The following NLGN1 variants were observed in gnomAD, a reference collection of about 807,000 sequenced individuals.
The protein encoded by NLGN1 is neuroligin 1, also known as neuroligin-1.
In NLGN1, 12 loss-of-function variants were observed where a neutral mutation model predicts 65.5. The observed-to-expected ratio is 0.18, with a 90% CI of 0.12 to 0.30. The LOEUF is 0.30. Among genes scored for constraint, NLGN1 ranks in the 10% least tolerant of loss-of-function variants. The pLI is 1.00. For synonymous variants in NLGN1, 350 were observed against 359.5 expected, an observed-to-expected ratio of 0.97 and a Z score of 0.30; for missense variants, 750 against 1,007.1, an observed-to-expected ratio of 0.74 and a Z score of 3.46.
intron 2 of NLGN1, among the ~76,000 whole-genome samples, chr3:173,446,513 C>A (rs1057279608): frequency 6.6e-6 from 1 of 152,156 alleles, no homozygotes; most frequent in Admixed American, 6.5e-5. Flanking sequence ...GTGAATAGTG[C>A]CGCAATAAAC....
At chr3:173,708,243 C>G (rs1372226209) in intron 3 of NLGN1, among the ~76,000 whole-genome samples, 1 of 152,128 alleles carries the variant, frequency 6.6e-6, no homozygotes, top group Non-Finnish European at 1.5e-5. Context: ...TATAATGACC[C>G]AGAAGCCCAG....
At chr3:173,410,873 A>G (rs1577326238) in intron 1 of NLGN1, among the ~76,000 whole-genome samples, 1 of 152,206 alleles carries the variant, frequency 6.6e-6, no homozygotes, top group East Asian at 1.9e-4. Context: ...ATTCTGTACC[A>G]AAAAATTGCA....
chr3:174,018,287 C>T (rs1017973892), intron 4 of NLGN1, among the ~76,000 whole-genome samples: 1 of 151,980 alleles, frequency 6.6e-6, no homozygotes, highest in South Asian at 2.1e-4. Flanking sequence ...GTGCAGTTAA[C>T]GCAATCATCA....
rs150984290 is a variant in NLGN1, at chr3:173,600,592, C to CTTTTTTTTTTTTTTTTTTTTTTTT, written c.-320-3678_-320-3677insTTTTTTTTTTTTTTTTTTTTTTTT. Among the ~76,000 whole-genome samples the CTTTTTTTTTTTTTTTTTTTTTTTT allele has an allele frequency of 9.5e-3, 981 of 103,314 alleles. 326 individuals carry two copies. Among genetic ancestry groups the CTTTTTTTTTTTTTTTTTTTTTTTT allele is most frequent in the East Asian group, 0.015 (46 of 3,014 alleles). The allele number at this position is 103,314 out of a possible 152,430, so 67.8% of individuals were successfully genotyped here. ...AAGCAAGGTAGAAATAAAAACATAT[C>CTTTTTTTTTTTTTTTTTTTTTTTT]TTTTTTTTTAGAAAAAGATATGTAA... On this transcript the variant is annotated intron_variant, in intron 2 of 6. Coordinates refer to ENST00000457714, the Ensembl canonical transcript of NLGN1.
At chr3:173,663,053 T>G (rs1761161061) in intron 3 of NLGN1, among the ~76,000 whole-genome samples, 1 of 152,000 alleles carries the variant, frequency 6.6e-6, no homozygotes, top group Non-Finnish European at 1.5e-5. Flanking sequence ...TAAATAATTA[T>G]TTTCCATTTC....
At chr3:173,731,059 T>C (rs1448445122) in intron 3 of NLGN1, among the ~76,000 whole-genome samples, 1 of 152,080 alleles carries the variant, frequency 6.6e-6, no homozygotes, top group East Asian at 1.9e-4. Flanking sequence ...AATTTTACCG[T>C]ATAATCTGTG....
intron 3 of NLGN1, chr3:173,800,251 GT>G: frequency 1.4e-6 from 1 of 697,500 alleles, no homozygotes; most frequent in Non-Finnish European, 2.0e-6. Context: ...TTCTTGAATT[GT>G]CTTTTTTTTT....
chr3:173,767,964 A>G (rs1482169866), intron 3 of NLGN1, among the ~76,000 whole-genome samples: 1 of 152,058 alleles, frequency 6.6e-6, no homozygotes, highest in Non-Finnish European at 1.5e-5. Context: ...TCCTTTGAAC[A>G]TATAAAAATC....
At chr3:174,161,705 G>A (rs747206536) in intron 4 of NLGN1, among the ~76,000 whole-genome samples, 16 of 151,884 alleles carry the variant, frequency 1.1e-4, no homozygotes, top group Non-Finnish European at 2.2e-4. Context: ...ATACAATCAT[G>A]ACAGGACTAG....
At chr3:173,969,653 A>G (rs1715740988) in intron 4 of NLGN1, among the ~76,000 whole-genome samples, 1 of 152,144 alleles carries the variant, frequency 6.6e-6, no homozygotes, top group Admixed American at 6.6e-5. Context: ...GCTGGATTCT[A>G]TGATGACTAT....
At position 173,652,750 on chromosome 3, in the gene NLGN1, A is replaced by G. The variant is rs751343592; in HGVS notation, c.493+47659A>G. Among the ~76,000 whole-genome samples, 6 of 152,084 alleles carry G rather than the reference A, an allele frequency of 3.9e-5. No homozygotes were observed. In the South Asian group the frequency reaches 6.2e-4, roughly 16 times the overall value. The stretch of plus-strand genomic sequence containing the variant: ...CGAGCTCTTTTTTGGTTCCGTATAC[A>G]TTTTAGGATGTTTTCTCTAATTCTT... On this transcript the variant is annotated intron_variant, in intron 3 of 6. Coordinates refer to ENST00000457714, the Ensembl canonical transcript of NLGN1.
At chr3:173,703,491 C>T (rs896412398) in intron 3 of NLGN1, among the ~76,000 whole-genome samples, 15 of 152,150 alleles carry the variant, frequency 9.9e-5, no homozygotes, top group Non-Finnish European at 1.8e-4. Flanking sequence ...ATAAGAATCT[C>T]TGTTTTACTA....
chr3:174,258,429 T>C (rs1237780118), intron 4 of NLGN1, among the ~76,000 whole-genome samples: 1 of 152,136 alleles, frequency 6.6e-6, no homozygotes, highest in African/African-American at 2.4e-5. Context: ...GACGTTAAGA[T>C]TAGTGTGTAA....
chr3:173,707,766 C>G (rs1051844455), intron 3 of NLGN1, among the ~76,000 whole-genome samples: 2 of 152,102 alleles, frequency 1.3e-5, no homozygotes, highest in African/African-American at 4.8e-5. Flanking sequence ...ATGGCTAAAT[C>G]TAATTAAGAA....
intron 2 of NLGN1, among the ~76,000 whole-genome samples, chr3:173,547,104 G>T (rs1015806776): frequency 6.6e-6 from 1 of 152,072 alleles, no homozygotes; most frequent in East Asian, 1.9e-4. Flanking sequence ...TTAAACTTGG[G>T]ACTCGAAAGA....
At chr3:173,823,140 C>T (rs1720652973) in intron 4 of NLGN1, among the ~76,000 whole-genome samples, 1 of 151,980 alleles carries the variant, frequency 6.6e-6, no homozygotes. Flanking sequence ...TATACAACTT[C>T]TATAGATTAA....
intron 4 of NLGN1, among the ~76,000 whole-genome samples, chr3:174,159,682 C>T (rs1328449549): frequency 6.6e-6 from 1 of 151,692 alleles, no homozygotes; most frequent in African/African-American, 2.4e-5. Context: ...GGCTATGAGG[C>T]TGATGTGTTA....
chr3:173,460,396 G>A (rs1448644595), intron 2 of NLGN1, among the ~76,000 whole-genome samples: 1 of 152,030 alleles, frequency 6.6e-6, no homozygotes, highest in Non-Finnish European at 1.5e-5. Flanking sequence ...ATAAAAAGCT[G>A]GGACAGTAAG....
At chr3:173,597,965 T>C (rs1303936274) in intron 2 of NLGN1, among the ~76,000 whole-genome samples, 4 of 152,136 alleles carry the variant, frequency 2.6e-5, no homozygotes, top group African/African-American at 4.8e-5. Context: ...TCTGATTAGA[T>C]GGCCATTATT....
Sources: allele counts gnomAD v4.1 joint callset (sites outside exome capture counted in the v4.1 genomes callset), GRCh38; gene constraint gnomAD v4.1.1; transcripts MANE v1.5; gene names NCBI Gene and HGNC (gene_info 2026-07-23, HGNC 2026-07-21).